The following GALNT17 variants were observed in gnomAD, a reference collection of about 807,000 sequenced individuals.
GALNT17 encodes UDP-GalNAc:polypeptide N-acetylgalactosaminyltransferase-like 3.
GALNT17 carries 29 observed loss-of-function variants against 63.7 expected under a neutral mutation model. The observed-to-expected ratio is 0.46, with a 90% CI of 0.34 to 0.62. The LOEUF is 0.62. Ranked by LOEUF, GALNT17 falls within the 20% of genes least tolerant of loss-of-function variation. The probability of loss-of-function intolerance (pLI) is 0.01; values close to 1 mark genes in which losing one functional copy is unlikely to be tolerated. For synonymous variants in GALNT17, 305 were observed against 318.3 expected, an observed-to-expected ratio of 0.96 and a Z score of 0.45; for missense variants, 603 against 799.6, an observed-to-expected ratio of 0.75 and a Z score of 2.97.
At chr7:71,647,229 A>ATTTTTTTTTTTTTTTTTTT (rs5884850) in intron 6 of GALNT17, among the ~76,000 whole-genome samples, 2 of 137,514 alleles carry the variant, frequency 1.5e-5, no homozygotes, top group African/African-American at 6.2e-5. Context: ...GTGCCCAGCT[A>ATTTTTTTTTTTTTTTTTTT]TTTTTTTTTT....
At chr7:71,227,403 C>G (rs1400336168) in intron 1 of GALNT17, among the ~76,000 whole-genome samples, 1 of 151,712 alleles carries the variant, frequency 6.6e-6, no homozygotes, top group Non-Finnish European at 1.5e-5. Context: ...GAAGAGAGAA[C>G]CCAGAGGTTG....
intron 5 of GALNT17, among the ~76,000 whole-genome samples, chr7:71,487,905 C>T (rs138266417): frequency 6.6e-6 from 1 of 152,094 alleles, no homozygotes; most frequent in African/African-American, 2.4e-5. Context: ...TGGTAGCTCA[C>T]ACCTATAATT....
At chr7:71,632,447 G>A (rs1218042908) in intron 6 of GALNT17, among the ~76,000 whole-genome samples, 1 of 152,214 alleles carries the variant, frequency 6.6e-6, no homozygotes, top group Non-Finnish European at 1.5e-5. Flanking sequence ...GGCAGTAGGT[G>A]CTCTGATGGG....
intron 1 of GALNT17, among the ~76,000 whole-genome samples, chr7:71,263,677 A>C (rs1270443500): frequency 6.6e-6 from 1 of 151,972 alleles, no homozygotes; most frequent in African/African-American, 2.4e-5. Flanking sequence ...TAATCCCAGC[A>C]CTTTGAGAGG....
chr7:71,697,090 C>G (rs376027617), intron 9 of GALNT17, among the ~76,000 whole-genome samples: 46 of 152,208 alleles, frequency 3.0e-4, no homozygotes, highest in African/African-American at 1.1e-3. Flanking sequence ...AACCTCATAT[C>G]ATCTATCAGA....
intron 2 of GALNT17, among the ~76,000 whole-genome samples, chr7:71,337,242 G>T (rs1455302247): frequency 1.3e-5 from 2 of 151,952 alleles, no homozygotes; most frequent in Admixed American, 6.6e-5. Flanking sequence ...TGTTATTGAT[G>T]ATCTGTTTCC....
intron 1 of GALNT17, among the ~76,000 whole-genome samples, chr7:71,218,223 G>A (rs527513485): frequency 1.3e-3 from 198 of 152,144 alleles, no homozygotes; most frequent in Non-Finnish European, 2.3e-3. Context: ...GTGAAACCCC[G>A]TCTCTACTAA....
Position 71,447,785 on chromosome 7 carries a change from G to A in GALNT17, c.962+26680G>A, listed in dbSNP as rs112506026. Among the ~76,000 whole-genome samples, 491 of 151,940 alleles carry A rather than the reference G, an allele frequency of 3.2e-3. 1 individual carries two copies. Among genetic ancestry groups the A allele is most frequent in the African/African-American group, 0.011 (463 of 41,408 alleles). On this transcript the variant is annotated intron_variant, in intron 5 of 10. Coordinates refer to ENST00000333538, the MANE Select transcript of GALNT17 (RefSeq NM_022479.3). ...TTCCTTAATTTGTTTTCTATATACT[G>A]TTAACTAATTCAGCTACATGCTTTC... is the stretch of plus-strand genomic sequence containing the variant.
At chr7:71,626,382 G>A (rs1458388751) in intron 6 of GALNT17, among the ~76,000 whole-genome samples, 5 of 152,170 alleles carry the variant, frequency 3.3e-5, no homozygotes, top group African/African-American at 7.2e-5. Flanking sequence ...CAGCCTGCTC[G>A]CCTCCAGAAT....
At chr7:71,204,186 C>T (rs1789225604) in intron 1 of GALNT17, among the ~76,000 whole-genome samples, 1 of 151,992 alleles carries the variant, frequency 6.6e-6, no homozygotes, top group Non-Finnish European at 1.5e-5. Context: ...TTCTTGGCAC[C>T]TCTGTTGTAA....
Position 71,146,480 on chromosome 7 carries a change from C to T in GALNT17, c.238+13440C>T, listed in dbSNP as rs1344800251. Reference sequence around the variant, plus strand: ...GCCTGAAGGATGAAGGGGGAGGGGACCACAAAGAAGCAGATAAATTATCTC... The same window carrying T: ...GCCTGAAGGATGAAGGGGGAGGGGATCACAAAGAAGCAGATAAATTATCTC... On this transcript the variant is annotated intron_variant, in intron 1 of 10. Transcript: ENST00000333538. 2.0e-5 allele frequency among the ~76,000 whole-genome samples: 3 copies of T among 152,258 alleles called. No homozygotes were observed. In the East Asian group the frequency reaches 5.8e-4, roughly 29 times the overall value.
rs143595449 is a variant in GALNT17, at chr7:71,405,455, C to T, written c.590-10434C>T. 1.8e-3 allele frequency among the ~76,000 whole-genome samples: 280 copies of T among 152,118 alleles called. 2 individuals carry two copies. Among genetic ancestry groups the T allele is most frequent in the African/African-American group, 6.4e-3 (265 of 41,484 alleles). On this transcript the variant is annotated intron_variant, in intron 3 of 10. Coordinates refer to ENST00000333538, the MANE Select transcript of GALNT17 (RefSeq NM_022479.3). ...CAGCCTGAGCAACATAACAAGACCC[C>T]ATGTCTACAAAAAATAATAATAATA...
At chr7:71,244,214 A>G (rs927595572) in intron 1 of GALNT17, among the ~76,000 whole-genome samples, 8 of 152,316 alleles carry the variant, frequency 5.3e-5, no homozygotes, top group Admixed American at 1.3e-4. Flanking sequence ...TTCTAGTTCA[A>G]TGCATCCTTC....
chr7:71,153,666 C>G (rs1788175040), intron 1 of GALNT17, among the ~76,000 whole-genome samples: 1 of 152,118 alleles, frequency 6.6e-6, no homozygotes, highest in Admixed American at 6.5e-5. Context: ...ACGGTAATTC[C>G]AGCACTGTGG....
intron 6 of GALNT17, among the ~76,000 whole-genome samples, chr7:71,588,547 G>A (rs905768120): frequency 1.7e-4 from 26 of 152,112 alleles, no homozygotes; most frequent in African/African-American, 6.3e-4. Flanking sequence ...GAGGCTACAA[G>A]TCAGTTAACT....
At chr7:71,288,712 G>A (rs144009676) in intron 1 of GALNT17, among the ~76,000 whole-genome samples, 13 of 152,156 alleles carry the variant, frequency 8.5e-5, no homozygotes, top group East Asian at 1.9e-4. Flanking sequence ...GCTTTGATGC[G>A]TGTGTTCATC....
At chr7:71,379,106 A>G (rs1792797407) in intron 2 of GALNT17, among the ~76,000 whole-genome samples, 2 of 152,186 alleles carry the variant, frequency 1.3e-5, no homozygotes, top group Non-Finnish European at 2.9e-5. Flanking sequence ...AGAGGGACAG[A>G]AAGTAACAAA....
At chr7:71,415,774 T>C (rs1307609443) in intron 3 of GALNT17, 115 bp from the exon 4 acceptor site, 2 of 1,191,870 alleles carry the variant, frequency 1.7e-6, no homozygotes, top group African/African-American at 3.1e-5. Context: ...ATTACTAACA[T>C]GCGATTTTTT....
chr7:71,229,245 T>G (rs73365963), intron 1 of GALNT17, among the ~76,000 whole-genome samples: 22,299 of 152,246 alleles, frequency 0.15, 2,479 homozygotes, highest in African/African-American at 0.31. Context: ...CTGCTGCCTC[T>G]GCATCTTTCT....
Sources: allele counts gnomAD v4.1 joint callset (sites outside exome capture counted in the v4.1 genomes callset), GRCh38; gene constraint gnomAD v4.1.1; transcripts MANE v1.5; gene names NCBI Gene and HGNC (gene_info 2026-07-23, HGNC 2026-07-21).